The following PDE1C variants were observed in gnomAD, a reference collection of about 807,000 sequenced individuals.
PDE1C encodes phosphodiesterase 1C, also known as dual specificity calcium/calmodulin-dependent 3',5'-cyclic nucleotide phosphodiesterase 1C.
A neutral mutation model predicts 93.1 loss-of-function variants in PDE1C; 62 were observed. The ratio of observed to expected loss-of-function variants is 0.67; its 90% CI spans 0.54 to 0.82. PDE1C has a LOEUF of 0.82. Among genes scored for constraint, PDE1C ranks in the 40% least tolerant of loss-of-function variants. The pLI is 0.00. For synonymous variants in PDE1C, 325 were observed against 310.1 expected (o/e 1.05, Z -0.50); for missense variants, 742 against 884.6 (o/e 0.84, Z 2.04).
intron 10 of PDE1C, 129 bp from the exon 11 acceptor site, chr7:31,837,429 A>C: frequency 1.3e-6 from 1 of 790,240 alleles, no homozygotes. Context: ...AGCTAAATTG[A>C]GGAAAAGACA....
chr7:31,794,109 T>C (rs1239682545), intron 16 of PDE1C, among the ~76,000 whole-genome samples: 5 of 148,968 alleles, frequency 3.4e-5, no homozygotes, highest in African/African-American at 1.2e-4. Flanking sequence ...GACAGATAGA[T>C]GGGCAGGCGG....
intron 1 of PDE1C, among the ~76,000 whole-genome samples, chr7:32,318,076 G>A (rs544833281): frequency 1.3e-5 from 2 of 152,252 alleles, no homozygotes; most frequent in South Asian, 2.1e-4. Flanking sequence ...TTTCCAATGC[G>A]TAACAACACT....
chr7:32,068,475 C>A (rs565076139), intron 1 of PDE1C, among the ~76,000 whole-genome samples: 10 of 152,314 alleles, frequency 6.6e-5, no homozygotes, highest in African/African-American at 2.4e-4. Context: ...AATAGCATCT[C>A]CTTTTCAAAT....
chr7:31,924,227 C>G (rs1563040986), intron 2 of PDE1C, among the ~76,000 whole-genome samples: 1 of 152,082 alleles, frequency 6.6e-6, no homozygotes, highest in Non-Finnish European at 1.5e-5. Context: ...TGGAATTTTA[C>G]TGTATATATG....
the PDE1C span, among the ~76,000 whole-genome samples, chr7:31,621,540 G>A: frequency 1.6e-4 from 24 of 147,054 alleles, no homozygotes; most frequent in East Asian, 3.9e-4. Context: ...AAAATACTTT[G>A]CAGACAAGCA....
chr7:32,132,799 T>C (rs897112861), intron 3 of PDE1C, among the ~76,000 whole-genome samples: 1 of 152,184 alleles, frequency 6.6e-6, no homozygotes, highest in African/African-American at 2.4e-5. Context: ...AAAATGGGGA[T>C]GGCTTGGACT....
At chr7:32,033,326 C>T (rs897766368) in intron 2 of PDE1C, among the ~76,000 whole-genome samples, 1 of 152,030 alleles carries the variant, frequency 6.6e-6, no homozygotes, top group African/African-American at 2.4e-5. Flanking sequence ...CCCTGGAATT[C>T]ATTCAGTAGT....
intron 3 of PDE1C, 69 bp from the exon 4 acceptor site, chr7:31,879,247 C>G: frequency 7.0e-7 from 1 of 1,433,234 alleles, no homozygotes. Context: ...TTCAAAGCAG[C>G]TGCTCCTCTC....
chr7:31,795,126 C>T (rs1270189310), intron 16 of PDE1C, among the ~76,000 whole-genome samples: 1 of 151,936 alleles, frequency 6.6e-6, no homozygotes. Flanking sequence ...AGCTTGAATA[C>T]TTGCTGAATA....
At chr7:31,835,869 C>T (rs1013522469) in intron 11 of PDE1C, among the ~76,000 whole-genome samples, 3 of 151,940 alleles carry the variant, frequency 2.0e-5, no homozygotes, top group African/African-American at 7.3e-5. Context: ...ACACAGGTGC[C>T]TTCTACAATT....
intron 2 of PDE1C, among the ~76,000 whole-genome samples, chr7:31,975,583 A>T (rs1235215669): frequency 6.6e-6 from 1 of 152,030 alleles, no homozygotes; most frequent in Non-Finnish European, 1.5e-5. Flanking sequence ...AATTTTATAT[A>T]TATATATATG....
At chr7:31,984,374 A>G (rs1047229004) in intron 2 of PDE1C, among the ~76,000 whole-genome samples, 6 of 152,126 alleles carry the variant, frequency 3.9e-5, no homozygotes, top group Non-Finnish European at 5.9e-5. Flanking sequence ...TCCCCCTGCC[A>G]TCCGTGGCAA....
intron 2 of PDE1C, among the ~76,000 whole-genome samples, chr7:31,996,564 T>C (rs578038284): frequency 2.0e-4 from 31 of 152,286 alleles, no homozygotes; most frequent in African/African-American, 7.5e-4. Flanking sequence ...GACAGACACA[T>C]GGAAGCCATG....
intron 1 of PDE1C, among the ~76,000 whole-genome samples, chr7:32,237,762 A>ATATATATATATATATATAT (rs1562607013): frequency 2.8e-5 from 1 of 35,094 alleles, no homozygotes; most frequent in Non-Finnish European, 5.1e-5. Context: ...ATATATATAT[A>ATATATATATATATATATAT]CTTTTTTTTT....
chr7:31,723,939 T>A, the PDE1C span, among the ~76,000 whole-genome samples: 382 of 137,206 alleles, frequency 2.8e-3, 1 homozygote, highest in Non-Finnish European at 4.5e-3. Flanking sequence ...TGCCTTTGCA[T>A]CATTTTATTA....
At chr7:31,639,099 T>G in the PDE1C span, among the ~76,000 whole-genome samples, 1 of 152,154 alleles carries the variant, frequency 6.6e-6, no homozygotes, top group Non-Finnish European at 1.5e-5. Context: ...TTCATGTGCC[T>G]TGGTGTAGTT....
intron 2 of PDE1C, among the ~76,000 whole-genome samples, chr7:31,910,027 C>T (rs2128935957): frequency 6.6e-6 from 1 of 152,236 alleles, no homozygotes; most frequent in South Asian, 2.1e-4. Context: ...CCAAATGCCT[C>T]CTGGGAGGTC....
At chr7:31,951,586 G>A (rs1807386217) in intron 2 of PDE1C, among the ~76,000 whole-genome samples, 1 of 152,202 alleles carries the variant, frequency 6.6e-6, no homozygotes, top group Non-Finnish European at 1.5e-5. Context: ...TCCTGGCTGT[G>A]GGCATCCCTT....
At chr7:32,197,012 C>T (rs553158692) in intron 2 of PDE1C, among the ~76,000 whole-genome samples, 1 of 152,262 alleles carries the variant, frequency 6.6e-6, no homozygotes, top group South Asian at 2.1e-4. Context: ...GAAACTAACA[C>T]TTTAGGGGTT....
Sources: gnomAD v4.1 joint callset for allele counts (sites outside exome capture counted in the v4.1 genomes callset) on GRCh38, gnomAD v4.1.1 for gene constraint, MANE v1.5 for transcripts, NCBI Gene and HGNC (gene_info 2026-07-23, HGNC 2026-07-21) for gene names.